Variants in TRABD2B observed in about 807,000 individuals in gnomAD.
The protein encoded by TRABD2B is TraB domain containing 2B.
TRABD2B carries 14 observed loss-of-function variants against 40.1 expected under a neutral mutation model. The observed-to-expected ratio is 0.35, with a 90% CI of 0.23 to 0.55. The LOEUF is 0.55. Among genes scored for constraint, TRABD2B ranks in the 20% least tolerant of loss-of-function variants. The probability of loss-of-function intolerance (pLI) is 0.90; values close to 1 mark genes in which losing one functional copy is unlikely to be tolerated. For missense variants in TRABD2B, 541 were observed against 648.6 expected, an observed-to-expected ratio of 0.83 and a Z score of 1.80; for synonymous variants, 263 against 277.0, an observed-to-expected ratio of 0.95 and a Z score of 0.50.
At chr1:47,771,121 C>A (rs1569878178) in intron 6 of TRABD2B, among the ~76,000 whole-genome samples, 1 of 152,176 alleles carries the variant, frequency 6.6e-6, no homozygotes, top group Non-Finnish European at 1.5e-5. Flanking sequence ...GGGGTCCTGT[C>A]CTCACCTGGA....
In TRABD2B at chr1:47,860,538, G is replaced by C. The variant is rs570773454; in HGVS notation, c.667-58919C>G. On this transcript the variant is annotated intron_variant, in intron 2 of 6. Coordinates refer to ENST00000606738, the MANE Select transcript of TRABD2B (RefSeq NM_001194986.2). ...AAATCCCTGTTACAAATGACATAGGGACCTGGGTGAGTCCTGGATTCCTGA... is the reference window on the plus strand; with the variant it reads ...AAATCCCTGTTACAAATGACATAGGCACCTGGGTGAGTCCTGGATTCCTGA... Among the ~76,000 whole-genome samples, 4 of 152,276 alleles carry C rather than the reference G, an allele frequency of 2.6e-5. No individual in the cohort carries two copies. In the South Asian group the frequency reaches 8.3e-4, roughly 32 times the overall value.
intron 2 of TRABD2B, among the ~76,000 whole-genome samples, chr1:47,940,737 T>C (rs1469979034): frequency 1.3e-5 from 2 of 151,934 alleles, no homozygotes. Flanking sequence ...TCTCCTAAAG[T>C]CCAATAAAAC....
intron 2 of TRABD2B, among the ~76,000 whole-genome samples, chr1:47,948,807 C>T (rs775006482): frequency 9.9e-5 from 15 of 152,144 alleles, no homozygotes; most frequent in Admixed American, 3.3e-4. Context: ...TCCTTACACC[C>T]GCCACTTCTG....
chr1:47,923,436 T>A (rs1644926983), intron 2 of TRABD2B, among the ~76,000 whole-genome samples: 1 of 152,188 alleles, frequency 6.6e-6, no homozygotes, highest in Non-Finnish European at 1.5e-5. Flanking sequence ...ATTTACAGGA[T>A]GAATCAATGA....
In TRABD2B at chr1:47,760,729, C is replaced by T. The variant is rs529311060; in HGVS notation, c.*5173G>A. On this transcript the variant is annotated 3_prime_UTR_variant, in exon 7 of 7. Transcript: ENST00000606738. ...ACATGAATCTGAAGCCTGTGTTGCA[C>T]AGTGAATCAACTCGGGGACAAGCTC... is the stretch of plus-strand genomic sequence containing the variant. The T allele has an allele frequency of 3.3e-5, 5 of 152,202 alleles. No homozygotes were observed. The highest frequency in any genetic ancestry group is 9.6e-5 in the African/African-American group (4 of 41,452). 9.4% of individuals were successfully genotyped at this position (152,202 alleles called of 1,614,324 possible). A position where few individuals can be genotyped will look rare whatever the true frequency, so the allele number is the denominator to read the frequency against.
At chr1:47,885,930 T>C (rs1302723212) in intron 2 of TRABD2B, among the ~76,000 whole-genome samples, 3 of 152,214 alleles carry the variant, frequency 2.0e-5, no homozygotes, top group Non-Finnish European at 4.4e-5. Context: ...AGTCTAGTTT[T>C]ATGCATCAGT....
rs537319629 is a variant in TRABD2B at position 47,860,920 on chromosome 1, C to T, written c.667-59301G>A. ...CCTTCAACTCCCCAGCCTGCAAAAT[C>T]GTAAGCCAAATAAGCCTCTTTTCTT... On this transcript the variant is annotated intron_variant, in intron 2 of 6. Transcript: ENST00000606738. Among the ~76,000 whole-genome samples the T allele has an allele frequency of 3.9e-5, 6 of 152,288 alleles. No homozygotes were observed. The East Asian group carries it at 5.8e-4, about 15-fold the overall frequency.
rs552487033 is a variant in TRABD2B at position 47,799,146 on chromosome 1, C to T, written c.813+2327G>A. ...CTGAGCTTGCCTTCTCCTGAGGTCACCTCATGCCTCCGTTTCTCAGCTTAG... is the reference window on the plus strand; with the variant it reads ...CTGAGCTTGCCTTCTCCTGAGGTCATCTCATGCCTCCGTTTCTCAGCTTAG... On this transcript the variant is annotated intron_variant, in intron 3 of 6. Transcript: ENST00000606738. Among the ~76,000 whole-genome samples, 4 of 152,346 alleles carry T rather than the reference C, an allele frequency of 2.6e-5. No homozygotes were observed. The South Asian group carries it at 6.2e-4, about 24-fold the overall frequency.
At chr1:47,974,445 C>G (rs1489934887) in intron 2 of TRABD2B, among the ~76,000 whole-genome samples, 1 of 152,134 alleles carries the variant, frequency 6.6e-6, no homozygotes, top group Non-Finnish European at 1.5e-5. Flanking sequence ...AGCATCTGTC[C>G]CCATCCAAAC....
chr1:47,920,155 G>C (rs1644882856), intron 2 of TRABD2B, among the ~76,000 whole-genome samples: 1 of 152,182 alleles, frequency 6.6e-6, no homozygotes, highest in African/African-American at 2.4e-5. Flanking sequence ...TCGAGTGGTG[G>C]ATGATGCCCA....
intron 2 of TRABD2B, among the ~76,000 whole-genome samples, chr1:47,853,419 G>T (rs1643856042): frequency 6.6e-6 from 1 of 152,104 alleles, no homozygotes. Flanking sequence ...AACGCACTCT[G>T]GGCCCAGCAG....
intron 2 of TRABD2B, among the ~76,000 whole-genome samples, chr1:47,941,587 C>T (rs1645189617): frequency 6.6e-6 from 1 of 152,244 alleles, no homozygotes; most frequent in South Asian, 2.1e-4. Context: ...AGTCATTTCA[C>T]AGTCTCAGTT....
chr1:47,990,254 A>G (rs1645981389), intron 2 of TRABD2B, among the ~76,000 whole-genome samples: 1 of 152,170 alleles, frequency 6.6e-6, no homozygotes, highest in Non-Finnish European at 1.5e-5. Flanking sequence ...TGTAACTTTG[A>G]GGTCTCATCC....
At chr1:47,923,367 G>C (rs909508377) in intron 2 of TRABD2B, among the ~76,000 whole-genome samples, 1 of 152,222 alleles carries the variant, frequency 6.6e-6, no homozygotes, top group Non-Finnish European at 1.5e-5. Context: ...TGACTTGGTG[G>C]ACGCAGTATC....
At chr1:47,861,236 A>G (rs1643963224) in intron 2 of TRABD2B, among the ~76,000 whole-genome samples, 1 of 151,328 alleles carries the variant, frequency 6.6e-6, no homozygotes, top group Non-Finnish European at 1.5e-5. Context: ...CCGAGGAGAC[A>G]TTCAGCAACA....
At chr1:47,787,629 C>T (rs1385291598) in intron 4 of TRABD2B, among the ~76,000 whole-genome samples, 1 of 152,132 alleles carries the variant, frequency 6.6e-6, no homozygotes, top group Non-Finnish European at 1.5e-5. Flanking sequence ...TCAATCTAGC[C>T]TCAGCTTCCA....
chr1:47,774,308 T>G (rs543388454), intron 6 of TRABD2B, among the ~76,000 whole-genome samples: 17 of 152,286 alleles, frequency 1.1e-4, no homozygotes, highest in Admixed American at 7.8e-4. Context: ...AGATGGAGAC[T>G]CTATGACTGC....
intron 2 of TRABD2B, among the ~76,000 whole-genome samples, chr1:47,828,000 C>T (rs1645198563): frequency 1.3e-5 from 2 of 152,192 alleles, no homozygotes; most frequent in African/African-American, 4.8e-5. Context: ...AAGGCTTGGC[C>T]ACCCTTCAGC....
rs1335879446 is a variant in TRABD2B at position 47,994,994 on chromosome 1, C to T, written c.103-397G>A. Among the ~76,000 whole-genome samples the T allele has an allele frequency of 6.6e-6, 1 of 152,150 alleles. No homozygotes were observed. The highest frequency in any genetic ancestry group is 1.5e-5 in the Non-Finnish European group (1 of 68,024). On this transcript the variant is annotated intron_variant, in intron 1 of 6. Coordinates refer to ENST00000606738, the MANE Select transcript of TRABD2B (RefSeq NM_001194986.2). This position sits in a 1 kb window ranked among gnomAD's most constrained non-coding sequence, Gnocchi z 6.7. ...CGTTCCCTGTGAGTGCCAAGGACTG[C>T]CACACCACCTGAGAATATTCATGCT... is the stretch of plus-strand genomic sequence containing the variant.
Sources: allele counts gnomAD v4.1 joint callset (sites outside exome capture counted in the v4.1 genomes callset), GRCh38; gene constraint gnomAD v4.1.1; non-coding constraint Gnocchi (gnomAD v3.1); transcripts MANE v1.5; gene names NCBI Gene and HGNC (gene_info 2026-07-23, HGNC 2026-07-21).